The following GALNTL6 variants were observed in gnomAD, a reference collection of about 807,000 sequenced individuals.
GALNTL6 encodes the protein polypeptide N-acetylgalactosaminyltransferase like 6.
Under a neutral mutation model 73.7 loss-of-function variants are expected in GALNTL6, and 46 were observed. The ratio of observed to expected loss-of-function variants is 0.62; its 90% CI spans 0.49 to 0.80. GALNTL6 has a LOEUF of 0.80. Ranked by LOEUF, GALNTL6 falls within the 30% of genes least tolerant of loss-of-function variation. The probability of loss-of-function intolerance (pLI) is 0.00; values close to 1 mark genes in which losing one functional copy is unlikely to be tolerated. For missense variants in GALNTL6, 604 were observed against 755.0 expected (o/e 0.80, Z 2.34); for synonymous variants, 259 against 263.7 (o/e 0.98, Z 0.17).
At chr4:172,562,478 G>A (rs532400628) in intron 5 of GALNTL6, among the ~76,000 whole-genome samples, 5 of 152,254 alleles carry the variant, frequency 3.3e-5, no homozygotes, top group African/African-American at 1.2e-4. Flanking sequence ...TAGTCTCCAT[G>A]CACAAGGGCC....
intron 5 of GALNTL6, among the ~76,000 whole-genome samples, chr4:172,462,758 T>C (rs1371812636): frequency 1.3e-5 from 2 of 152,128 alleles, no homozygotes; most frequent in African/African-American, 4.8e-5. Flanking sequence ...TGTTGCCCAA[T>C]TGAATAAATT....
chr4:172,240,111 T>C (rs537292271), intron 3 of GALNTL6, among the ~76,000 whole-genome samples: 1 of 152,208 alleles, frequency 6.6e-6, no homozygotes, highest in Non-Finnish European at 1.5e-5. Context: ...CTGGATGACA[T>C]CCTCAAATAT....
chr4:172,658,260 C>A (rs1243947494), intron 5 of GALNTL6, among the ~76,000 whole-genome samples: 4 of 146,302 alleles, frequency 2.7e-5, no homozygotes, highest in African/African-American at 1.0e-4. Flanking sequence ...AAGTCAGGAG[C>A]TCAAGACCAT....
intron 2 of GALNTL6, among the ~76,000 whole-genome samples, chr4:171,838,784 T>G (rs1735168280): frequency 6.6e-6 from 1 of 152,136 alleles, no homozygotes; most frequent in South Asian, 2.1e-4. Flanking sequence ...CACATATCTT[T>G]GATTCCCAGA....
At chr4:172,136,605 A>C (rs1733644104) in intron 2 of GALNTL6, among the ~76,000 whole-genome samples, 1 of 152,008 alleles carries the variant, frequency 6.6e-6, no homozygotes, top group Non-Finnish European at 1.5e-5. Context: ...ATGGCATCAG[A>C]TTTTGTGGTG....
intron 5 of GALNTL6, among the ~76,000 whole-genome samples, chr4:172,706,975 T>A (rs1039581778): frequency 6.6e-6 from 1 of 152,168 alleles, no homozygotes; most frequent in African/African-American, 2.4e-5. Flanking sequence ...GTACTTCCTA[T>A]GGGTTGGGGC....
chr4:172,207,492 G>A (rs1043761343), intron 2 of GALNTL6, among the ~76,000 whole-genome samples: 6 of 152,144 alleles, frequency 3.9e-5, no homozygotes, highest in Admixed American at 6.5e-5. Context: ...GACACGTTAA[G>A]TTTCAGTCAC....
At chr4:172,159,544 G>T (rs1326708169) in intron 2 of GALNTL6, among the ~76,000 whole-genome samples, 2 of 152,148 alleles carry the variant, frequency 1.3e-5, no homozygotes, top group Non-Finnish European at 2.9e-5. Flanking sequence ...GTCAAGTGTA[G>T]AGAGGAGAAT....
chr4:172,428,604 G>A (rs755887766), intron 5 of GALNTL6, among the ~76,000 whole-genome samples: 2 of 152,068 alleles, frequency 1.3e-5, no homozygotes, highest in African/African-American at 2.4e-5. Context: ...CCTGAAAAAT[G>A]TATATGCCAT....
At position 173,040,236 on chromosome 4, in the gene GALNTL6, A is replaced by G; in HGVS notation, c.*136A>G. On this transcript the variant is annotated 3_prime_UTR_variant, in exon 13 of 13. Coordinates refer to ENST00000506823, the MANE Select transcript of GALNTL6 (RefSeq NM_001034845.3). ...TTAAAAATTTGCAAATGCCATGTCAAAGTAGGTTGTTTTGAAGAACTTCCT... is the reference window on the plus strand; with the variant it reads ...TTAAAAATTTGCAAATGCCATGTCAGAGTAGGTTGTTTTGAAGAACTTCCT... 3.3e-6 allele frequency: 2 copies of G among 600,150 alleles called. No homozygotes were observed. Among genetic ancestry groups the G allele is most frequent in the Non-Finnish European group, 5.6e-6 (2 of 356,932 alleles). 37.2% of individuals were successfully genotyped at this position (600,150 alleles called of 1,614,324 possible). A position where few individuals can be genotyped will look rare whatever the true frequency, so the allele number is the denominator to read the frequency against.
chr4:172,172,015 T>C (rs768885159), intron 2 of GALNTL6, among the ~76,000 whole-genome samples: 7 of 152,082 alleles, frequency 4.6e-5, no homozygotes, highest in Non-Finnish European at 8.8e-5. Context: ...GTAGGTCTAG[T>C]TTTATGGGCA....
intron 7 of GALNTL6, among the ~76,000 whole-genome samples, chr4:172,837,691 C>T (rs1742985731): frequency 6.6e-6 from 1 of 152,148 alleles, no homozygotes; most frequent in Admixed American, 6.5e-5. Context: ...TGAAATTTAA[C>T]TTTTCTTCCT....
At chr4:172,103,199 A>G (rs990234601) in intron 2 of GALNTL6, among the ~76,000 whole-genome samples, 9 of 152,192 alleles carry the variant, frequency 5.9e-5, no homozygotes, top group African/African-American at 1.9e-4. Context: ...CCTGCCAGGT[A>G]AATTCTTCAG....
intron 5 of GALNTL6, among the ~76,000 whole-genome samples, chr4:172,430,985 A>G (rs1731428696): frequency 6.6e-6 from 1 of 152,244 alleles, no homozygotes; most frequent in Non-Finnish European, 1.5e-5. Flanking sequence ...GTGGAGAAGC[A>G]TACAGGCATC....
At chr4:172,288,284 G>T (rs963265621) in intron 3 of GALNTL6, among the ~76,000 whole-genome samples, 17 of 151,914 alleles carry the variant, frequency 1.1e-4, no homozygotes, top group Non-Finnish European at 2.5e-4. Flanking sequence ...GTAGAGACGG[G>T]GTTTCACTGT....
At chr4:172,762,199 G>A (rs978200601) in intron 5 of GALNTL6, among the ~76,000 whole-genome samples, 3 of 152,162 alleles carry the variant, frequency 2.0e-5, no homozygotes, top group Non-Finnish European at 4.4e-5. Flanking sequence ...GCCTGCAAAA[G>A]CGTACTTGAG....
At position 171,960,688 on chromosome 4, in the gene GALNTL6, TAAA is replaced by T. The variant is rs201299722; in HGVS notation, c.138+145990_138+145992del. 3.1e-3 allele frequency among the ~76,000 whole-genome samples: 407 copies of T among 129,486 alleles called. 3 individuals are homozygous for T. The highest frequency in any genetic ancestry group is 0.012 in the African/African-American group (382 of 33,052). The allele number at this position is 129,486 out of a possible 152,430, so 84.9% of individuals were successfully genotyped here. On this transcript the variant is annotated intron_variant, in intron 2 of 12. Transcript: ENST00000506823. ...ACTCAGAGAAATGACTGTCTTTATT[TAAA>T]AAAAAAAAAAAAAAAAAAAGTCAAT...
chr4:172,722,893 G>A (rs1356078438), intron 5 of GALNTL6, among the ~76,000 whole-genome samples: 2 of 152,076 alleles, frequency 1.3e-5, no homozygotes, highest in African/African-American at 2.4e-5. Context: ...TATGCTTTGT[G>A]GCTTAAAACA....
At chr4:172,478,315 A>C (rs1474552709) in intron 5 of GALNTL6, among the ~76,000 whole-genome samples, 1 of 152,212 alleles carries the variant, frequency 6.6e-6, no homozygotes, top group Non-Finnish European at 1.5e-5. Flanking sequence ...AAAAGTAGAC[A>C]CTTAGACCAG....
Sources: allele counts gnomAD v4.1 joint callset (sites outside exome capture counted in the v4.1 genomes callset), GRCh38; gene constraint gnomAD v4.1.1; transcripts MANE v1.5; gene names NCBI Gene and HGNC (gene_info 2026-07-23, HGNC 2026-07-21).